The following KLHL32 variants were observed in gnomAD, a reference collection of about 807,000 sequenced individuals.
KLHL32 encodes kelch-like protein 32.
Under a neutral mutation model 64.8 loss-of-function variants are expected in KLHL32, and 35 were observed. That is an observed-to-expected ratio of 0.54 (90% CI 0.41 to 0.72). The LOEUF (loss-of-function observed/expected upper bound fraction) is 0.72, where lower values mean the gene tolerates loss of function less well. Among genes scored for constraint, KLHL32 ranks in the 30% least tolerant of loss-of-function variants. The probability of loss-of-function intolerance (pLI) is 0.00; values close to 1 mark genes in which losing one functional copy is unlikely to be tolerated. For synonymous variants in KLHL32, 259 were observed against 281.0 expected, an observed-to-expected ratio of 0.92 and a Z score of 0.78; for missense variants, 589 against 768.5, an observed-to-expected ratio of 0.77 and a Z score of 2.76.
chr6:97,105,192 A>G (rs1276488869), intron 6 of KLHL32, among the ~76,000 whole-genome samples: 1 of 152,244 alleles, frequency 6.6e-6, no homozygotes, highest in South Asian at 2.1e-4. Context: ...ATGTACTTTA[A>G]TATAGAATGA....
At chr6:96,940,882 C>T (rs986737889) in intron 1 of KLHL32, among the ~76,000 whole-genome samples, 1 of 152,168 alleles carries the variant, frequency 6.6e-6, no homozygotes, top group Admixed American at 6.5e-5. Context: ...ATAATACACC[C>T]ATAATTGTGA....
At chr6:97,055,295 A>G (rs1268018157) in intron 4 of KLHL32, among the ~76,000 whole-genome samples, 1 of 152,150 alleles carries the variant, frequency 6.6e-6, no homozygotes, top group African/African-American at 2.4e-5. Flanking sequence ...TTACCATCAA[A>G]TTCTCAACCC....
At chr6:97,122,626 C>T (rs952397228) in intron 7 of KLHL32, among the ~76,000 whole-genome samples, 19 of 152,124 alleles carry the variant, frequency 1.2e-4, no homozygotes, top group African/African-American at 4.6e-4. Context: ...AAGTTATAGT[C>T]TTTCAAGAAC....
chr6:97,041,891 A>G (rs1785175849), intron 4 of KLHL32, among the ~76,000 whole-genome samples: 1 of 151,996 alleles, frequency 6.6e-6, no homozygotes, highest in Admixed American at 6.6e-5. Context: ...TTGCAAGATA[A>G]TGGATTCTCA....
At chr6:96,940,821 G>A (rs963121498) in intron 1 of KLHL32, among the ~76,000 whole-genome samples, 24 of 152,258 alleles carry the variant, frequency 1.6e-4, no homozygotes, top group South Asian at 1.2e-3. Flanking sequence ...GGTGAGAGGC[G>A]CTCCATGCCC....
At chr6:96,919,286 G>A in the KLHL32 span, among the ~76,000 whole-genome samples, 104 of 152,246 alleles carry the variant, frequency 6.8e-4, no homozygotes, top group Non-Finnish European at 1.3e-3. Context: ...GCTTAAAACA[G>A]AAGCAAAAAC....
chr6:96,947,927 C>CT (rs779038008), intron 1 of KLHL32, among the ~76,000 whole-genome samples: 93 of 152,082 alleles, frequency 6.1e-4, no homozygotes, highest in Non-Finnish European at 1.2e-3. Context: ...ACACAGTGTC[C>CT]TTTTCAGAGA....
At chr6:97,004,639 A>G (rs1353181545) in intron 3 of KLHL32, among the ~76,000 whole-genome samples, 1 of 151,888 alleles carries the variant, frequency 6.6e-6, no homozygotes, top group African/African-American at 2.4e-5. Context: ...TTATTTTGGG[A>G]TATGTTCCTT....
intron 3 of KLHL32, among the ~76,000 whole-genome samples, chr6:97,038,906 C>T (rs1784682957): frequency 6.6e-6 from 1 of 151,418 alleles, no homozygotes; most frequent in African/African-American, 2.4e-5. Flanking sequence ...GCATGGCCAA[C>T]ATGGTGAAAC....
chr6:96,926,250 A>G (rs1307320993), intron 1 of KLHL32, among the ~76,000 whole-genome samples: 1 of 152,224 alleles, frequency 6.6e-6, no homozygotes, highest in African/African-American at 2.4e-5. Flanking sequence ...AAATGACCCA[A>G]GGAAATAAGT....
intron 5 of KLHL32, among the ~76,000 whole-genome samples, chr6:97,081,217 A>G (rs1325107387): frequency 6.6e-6 from 1 of 152,104 alleles, no homozygotes; most frequent in Admixed American, 6.5e-5. Flanking sequence ...TGCAGGAAGG[A>G]AGTGGGCAAA....
chr6:96,943,101 C>T (rs994928766), intron 1 of KLHL32, among the ~76,000 whole-genome samples: 1 of 151,516 alleles, frequency 6.6e-6, no homozygotes, highest in African/African-American at 2.4e-5. Flanking sequence ...TATGCACATA[C>T]ATATACACAT....
At chr6:97,056,946 C>G (rs758947853) in intron 4 of KLHL32, among the ~76,000 whole-genome samples, 7 of 152,050 alleles carry the variant, frequency 4.6e-5, no homozygotes, top group Non-Finnish European at 1.0e-4. Context: ...CTGCCAGAGA[C>G]AAATATGTAA....
At chr6:97,065,613 T>C (rs977492633) in intron 5 of KLHL32, among the ~76,000 whole-genome samples, 6 of 152,212 alleles carry the variant, frequency 3.9e-5, no homozygotes, top group Admixed American at 6.5e-5. Flanking sequence ...CATTAAAAAA[T>C]TAATTTGAAG....
chr6:97,039,308 GTCAC>G (rs1476286736), intron 3 of KLHL32, among the ~76,000 whole-genome samples: 5 of 152,040 alleles, frequency 3.3e-5, no homozygotes. Context: ...TTGTTAAGTT[GTCAC>G]TCATATGTGA....
chr6:96,919,636 G>A (rs1768690058), upstream of KLHL32, among the ~76,000 whole-genome samples: 1 of 151,910 alleles, frequency 6.6e-6, no homozygotes, highest in Admixed American at 6.5e-5. Flanking sequence ...GCAATTAAAA[G>A]TGTTATAATA....
intron 3 of KLHL32, among the ~76,000 whole-genome samples, chr6:97,009,532 T>G (rs972480723): frequency 6.6e-6 from 1 of 152,212 alleles, no homozygotes; most frequent in African/African-American, 2.4e-5. Context: ...TGGAAAGTTG[T>G]GTATGGACTG....
chr6:97,064,837 G>A, intron 5 of KLHL32, 111 bp downstream of exon 5: 1 of 840,032 alleles, frequency 1.2e-6, no homozygotes, highest in Non-Finnish European at 1.9e-6. Context: ...GGTGGGGTGT[G>A]GGCTGTGGTA....
intron 3 of KLHL32, among the ~76,000 whole-genome samples, chr6:96,987,878 G>A (rs1165673661): frequency 6.6e-6 from 1 of 152,166 alleles, no homozygotes; most frequent in Non-Finnish European, 1.5e-5. Flanking sequence ...AATAAATGGT[G>A]CTGGGAAAAC....
Sources: allele counts gnomAD v4.1 joint callset (sites outside exome capture counted in the v4.1 genomes callset), GRCh38; gene constraint gnomAD v4.1.1; transcripts MANE v1.5; gene names NCBI Gene and HGNC (gene_info 2026-07-23, HGNC 2026-07-21).